Variants in SYBU observed in about 807,000 individuals in gnomAD.
SYBU encodes syntabulin, also known as GOLSYN A protein.
In SYBU, 21 loss-of-function variants were observed where a neutral mutation model predicts 35.9. That is an observed-to-expected ratio of 0.58 (90% confidence interval 0.41 to 0.84). The LOEUF (loss-of-function observed/expected upper bound fraction) is 0.84, where lower values mean the gene tolerates loss of function less well. SYBU is among the 40% of genes least tolerant of loss of function. The pLI is 0.00. For synonymous variants in SYBU, 319 were observed against 324.3 expected (o/e 0.98, Z 0.18); for missense variants, 768 against 848.2 (o/e 0.91, Z 1.17).
chr8:109,620,435 T>C (rs1812286847), intron 2 of SYBU, among the ~76,000 whole-genome samples: 1 of 152,220 alleles, frequency 6.6e-6, no homozygotes, highest in African/African-American at 2.4e-5. Context: ...GAATAAAACA[T>C]GCTGATTGCT....
chr8:109,609,736 C>G (rs1017378647), intron 3 of SYBU, among the ~76,000 whole-genome samples: 4 of 152,126 alleles, frequency 2.6e-5, no homozygotes, highest in Non-Finnish European at 5.9e-5. Flanking sequence ...TGAACTCCAG[C>G]CTGGGGGACA....
chr8:109,649,494 A>G (rs1390250592), upstream of SYBU, among the ~76,000 whole-genome samples: 1 of 152,172 alleles, frequency 6.6e-6, no homozygotes, highest in Admixed American at 6.5e-5. Flanking sequence ...GAATGTGTCA[A>G]TTATCTCTGC....
At chr8:109,653,723 T>A (rs1214935228) in intron 1 of SYBU, among the ~76,000 whole-genome samples, 1 of 152,174 alleles carries the variant, frequency 6.6e-6, no homozygotes, top group Non-Finnish European at 1.5e-5. Context: ...CCTCATGTTG[T>A]ACAGATGGCC....
At chr8:109,611,166 G>A (rs1455451952) in intron 3 of SYBU, among the ~76,000 whole-genome samples, 2 of 152,174 alleles carry the variant, frequency 1.3e-5, no homozygotes, top group Admixed American at 6.5e-5. Context: ...CTACTTTTGA[G>A]AGACCTATAA....
intron 4 of SYBU, chr8:109,580,254 G>C (rs1158836715): frequency 6.4e-6 from 3 of 470,548 alleles, no homozygotes; most frequent in African/African-American, 5.8e-5. Context: ...GCTTTTTTTG[G>C]ATAACACCCA....
chr8:109,624,136 T>C (rs1045260532), intron 2 of SYBU, among the ~76,000 whole-genome samples: 7 of 151,928 alleles, frequency 4.6e-5, no homozygotes, highest in African/African-American at 1.2e-4. Context: ...GAATAATAAA[T>C]GCAAGTGACT....
intron 1 of SYBU, among the ~76,000 whole-genome samples, chr8:109,667,709 C>A (rs1049055047): frequency 2.6e-5 from 4 of 152,152 alleles, no homozygotes; most frequent in African/African-American, 9.7e-5. Context: ...TTCATTTCAG[C>A]CTTGACCTCC....
chr8:109,645,894 G>C (rs1011711401), upstream of SYBU: 1 of 154,954 alleles, frequency 6.5e-6, no homozygotes, highest in African/African-American at 2.4e-5. Context: ...CTCTAGGATA[G>C]CTGTGAGGGT....
intron 3 of SYBU, among the ~76,000 whole-genome samples, chr8:109,591,777 G>A (rs1413562094): frequency 6.6e-6 from 1 of 151,884 alleles, no homozygotes; most frequent in Non-Finnish European, 1.5e-5. Context: ...CTCCCAAAGT[G>A]CTGGGATTAC....
chr8:109,612,321 C>A (rs1811264078), intron 3 of SYBU, among the ~76,000 whole-genome samples: 1 of 152,178 alleles, frequency 6.6e-6, no homozygotes, highest in African/African-American at 2.4e-5. Context: ...CCCACAGTTA[C>A]ATCTAATGTA....
intron 4 of SYBU, 45 bp from the exon 5 acceptor site, chr8:109,580,047 A>G: frequency 1.3e-6 from 2 of 1,556,332 alleles, no homozygotes; most frequent in Non-Finnish European, 1.8e-6. Flanking sequence ...GGGGCTACAG[A>G]TGCCCAAGGG....
At chr8:109,644,561 T>C in intron 1 of SYBU, 75 bp downstream of exon 1, 9 of 1,492,566 alleles carry the variant, frequency 6.0e-6, no homozygotes, top group Non-Finnish European at 8.1e-6. Context: ...CCTCCAGCTC[T>C]CATCCCGCCG....
chr8:109,583,508 G>A (rs553002439), intron 4 of SYBU, among the ~76,000 whole-genome samples: 21 of 152,210 alleles, frequency 1.4e-4, no homozygotes, highest in African/African-American at 3.4e-4. Context: ...AAAATAACTC[G>A]TCAAAAATAT....
intron 2 of SYBU, among the ~76,000 whole-genome samples, chr8:109,634,047 A>G (rs994968474): frequency 6.6e-6 from 1 of 152,108 alleles, no homozygotes; most frequent in Non-Finnish European, 1.5e-5. Context: ...ATTACCTTTT[A>G]GATTGTAATC....
At chr8:109,607,114 C>A (rs1316657174) in intron 3 of SYBU, among the ~76,000 whole-genome samples, 1 of 152,104 alleles carries the variant, frequency 6.6e-6, no homozygotes, top group African/African-American at 2.4e-5. Flanking sequence ...ATTTTACCAC[C>A]ACAGGCATTA....
At chr8:109,609,540 T>A (rs1222511470) in intron 3 of SYBU, among the ~76,000 whole-genome samples, 3 of 152,216 alleles carry the variant, frequency 2.0e-5, no homozygotes, top group Admixed American at 2.0e-4. Context: ...CAAGAATATA[T>A]GAATATACAG....
At chr8:109,610,353 A>T (rs1811037054) in intron 3 of SYBU, among the ~76,000 whole-genome samples, 1 of 152,240 alleles carries the variant, frequency 6.6e-6, no homozygotes, top group African/African-American at 2.4e-5. Context: ...AATATTCATC[A>T]AATGAATGAA....
intron 3 of SYBU, among the ~76,000 whole-genome samples, chr8:109,602,732 T>G (rs183086419): frequency 1.3e-5 from 2 of 152,262 alleles, no homozygotes; most frequent in Admixed American, 1.3e-4. Context: ...ATCTTTCATG[T>G]AAATTTCGTT....
At chr8:109,631,209 A>C (rs546413249) in intron 2 of SYBU, among the ~76,000 whole-genome samples, 1 of 152,288 alleles carries the variant, frequency 6.6e-6, no homozygotes, top group African/African-American at 2.4e-5. Flanking sequence ...GTAAAGAAGG[A>C]AGGGAGCTCT....
Sources: gnomAD v4.1 joint callset for allele counts (sites outside exome capture counted in the v4.1 genomes callset) on GRCh38, gnomAD v4.1.1 for gene constraint, MANE v1.5 for transcripts, NCBI Gene and HGNC (gene_info 2026-07-23, HGNC 2026-07-21) for gene names.